STRIP2: variants seen among roughly 807,000 people sequenced by gnomAD.
STRIP2 encodes striatin-interacting protein 2.
Under a neutral mutation model 107.1 loss-of-function variants are expected in STRIP2, and 84 were observed. The ratio of observed to expected loss-of-function variants is 0.78; its 90% confidence interval spans 0.66 to 0.94. The LOEUF (loss-of-function observed/expected upper bound fraction) is 0.94, where lower values mean the gene tolerates loss of function less well. STRIP2 is among the 40% of genes least tolerant of loss of function. The pLI is 0.00. For missense variants in STRIP2, 888 were observed against 1,034.2 expected (o/e 0.86, Z 1.94); for synonymous variants, 394 against 400.4 (o/e 0.98, Z 0.19).
chr7:129,458,467 C>A lies in STRIP2; in HGVS notation c.1274+17C>A. 1 of 1,525,810 alleles carries A rather than the reference C, an allele frequency of 6.6e-7. No homozygotes were observed. Among genetic ancestry groups the A allele is most frequent in the Non-Finnish European group, 8.8e-7 (1 of 1,133,014 alleles). The allele number at this position is 1,525,810 out of a possible 1,614,324, so 94.5% of individuals were successfully genotyped here. A position where few individuals can be genotyped will look rare whatever the true frequency, so the allele number is the denominator to read the frequency against. ...AAAGGTCAGGTAGGTTTGATAGCAT[C>A]AGGGACCCCTATGCTTCGGGGTTTC... On this transcript the variant is annotated intron_variant, in intron 10 of 20. Coordinates refer to ENST00000249344, the MANE Select transcript of STRIP2 (RefSeq NM_020704.3). The surrounding 1 kb of genome is among the most constrained non-coding windows in gnomAD (Gnocchi z 4.6).
In STRIP2 at chr7:129,467,381, C is replaced by T; in HGVS notation, c.1808C>T (p.Ala603Val). ...FEYVSQHLVF[A>V]NCIPLILKFF... ...TATGTATCGCAACATTTGGTATTTGCCAACTGCATCCCCTTGATCCTGAAG... is the reference window on the plus strand; with the variant it reads ...TATGTATCGCAACATTTGGTATTTGTCAACTGCATCCCCTTGATCCTGAAG... The change falls in exon 17 of 21, where the codon GCC becomes GTC. Residue 603 changes from alanine to valine, a missense_variant. Coordinates refer to ENST00000249344, the MANE Select transcript of STRIP2 (RefSeq NM_020704.3). 2 of 1,613,570 alleles carry T rather than the reference C, an allele frequency of 1.2e-6. No individual in the cohort carries two copies. The highest frequency in any genetic ancestry group is 1.7e-6 in the Non-Finnish European group (2 of 1,179,706).
intron 20 of STRIP2, among the ~76,000 whole-genome samples, chr7:129,485,289 C>T (rs1281992714): frequency 2.0e-5 from 3 of 152,050 alleles, no homozygotes; most frequent in African/African-American, 7.2e-5. Flanking sequence ...GTCCACCTCC[C>T]TCTGGGCCCT....
chr7:129,436,645 G>C (rs867375863), intron 1 of STRIP2, among the ~76,000 whole-genome samples: 10 of 152,300 alleles, frequency 6.6e-5, no homozygotes, highest in South Asian at 4.1e-4. Context: ...ACAGTACCCA[G>C]GTGCCAGATC....
intron 15 of STRIP2, among the ~76,000 whole-genome samples, 188 bp from the exon 16 acceptor site, chr7:129,464,424 G>A (rs888636047): frequency 1.3e-5 from 2 of 151,988 alleles, no homozygotes; most frequent in African/African-American, 4.8e-5. Flanking sequence ...CGGAAACAAA[G>A]AGATCAGTGG....
chr7:129,477,889 CCCT>C (rs960450673), intron 18 of STRIP2: 10 of 502,844 alleles, frequency 2.0e-5, no homozygotes, highest in African/African-American at 9.9e-5. Flanking sequence ...GCAAAGCTCA[CCCT>C]CCTGAGTTGA....
At position 129,470,647 on chromosome 7, in the gene STRIP2, A is replaced by G; in HGVS notation, c.1878-2A>G. ...GCCTGTCCTTATCTCTGCATCTTAC[A>G]GCATCTCAGTCCTGGATTATCCTTG... On this transcript the variant is annotated splice_acceptor_variant, in intron 17 of 20. Coordinates refer to ENST00000249344, the MANE Select transcript of STRIP2 (RefSeq NM_020704.3). LOFTEE classifies it high-confidence loss of function. 1 of 1,613,592 alleles carries G rather than the reference A, an allele frequency of 6.2e-7. No homozygotes were observed. The highest frequency in any genetic ancestry group is 8.5e-7 in the Non-Finnish European group (1 of 1,179,508).
rs2151021977 is a variant in STRIP2, at chr7:129,484,808, A to C, written c.2255-771A>C. Among the ~76,000 whole-genome samples, 3 of 152,360 alleles carry C rather than the reference A, an allele frequency of 2.0e-5. No homozygotes were observed. In the South Asian group the frequency reaches 6.2e-4, roughly 32 times the overall value. ...AAATGTTTTATCCTGCAAATGGCACATCTGTTGTTGCTGCCATTATGAGCC... is the reference window on the plus strand; with the variant it reads ...AAATGTTTTATCCTGCAAATGGCACCTCTGTTGTTGCTGCCATTATGAGCC... On this transcript the variant is annotated intron_variant, in intron 20 of 20. Coordinates refer to ENST00000249344, the MANE Select transcript of STRIP2 (RefSeq NM_020704.3).
At chr7:129,464,578 C>A (rs1363625540) in intron 15 of STRIP2, 34 bp from the exon 16 acceptor site, 1 of 1,613,140 alleles carries the variant, frequency 6.2e-7, no homozygotes, top group Admixed American at 1.7e-5. Flanking sequence ...TTTAAGGCCA[C>A]TCTCTGCACT....
intron 1 of STRIP2, among the ~76,000 whole-genome samples, chr7:129,435,552 GT>G (rs1234054723): frequency 3.3e-5 from 5 of 152,126 alleles, no homozygotes; most frequent in Non-Finnish European, 5.9e-5. Flanking sequence ...GTCAGACCAG[GT>G]TTTGACTCCT....
chr7:129,471,710 A>G (rs1798792339), intron 18 of STRIP2, among the ~76,000 whole-genome samples: 2 of 152,192 alleles, frequency 1.3e-5, no homozygotes, highest in Non-Finnish European at 2.9e-5. Context: ...CAAAGATGAG[A>G]AACCTGAAGG....
intron 1 of STRIP2, 82 bp downstream of exon 1, chr7:129,434,683 C>T (rs1584926989): frequency 1.5e-6 from 2 of 1,369,086 alleles, no homozygotes; most frequent in Non-Finnish European, 1.9e-6. Flanking sequence ...CGGCCTCGGC[C>T]CCGGAGCCCT....
intron 17 of STRIP2, 135 bp downstream of exon 17, chr7:129,467,585 T>C: frequency 1.8e-6 from 1 of 555,938 alleles, no homozygotes; most frequent in African/African-American, 1.9e-5. Context: ...TAAATTTAAT[T>C]TCCTTGAAGT....
chr7:129,436,173 A>G (rs1195162818), intron 1 of STRIP2, among the ~76,000 whole-genome samples: 2 of 152,196 alleles, frequency 1.3e-5, no homozygotes, highest in Non-Finnish European at 2.9e-5. Flanking sequence ...ACAATTATTT[A>G]TCGAGGACTT....
intron 12 of STRIP2, 49 bp from the exon 13 acceptor site, chr7:129,460,252 A>G (rs778575545): frequency 6.5e-7 from 1 of 1,544,138 alleles, no homozygotes; most frequent in South Asian, 1.2e-5. Context: ...ACTGGTACAC[A>G]TGTGAATGAG....
At position 129,463,086 on chromosome 7, in the gene STRIP2, A is replaced by G. The variant is rs773431426; in HGVS notation, c.1551+46A>G. On this transcript the variant is annotated intron_variant, in intron 14 of 20. Coordinates refer to ENST00000249344, the MANE Select transcript of STRIP2 (RefSeq NM_020704.3). ...GAGCTGCCCTTCTCTGCTGCAAGGA[A>G]CAGACAGCTAAAAACCATTTCAAGT... 1.7e-5 allele frequency: 26 copies of G among 1,508,218 alleles called. No homozygotes were observed. The East Asian group carries it at 5.9e-4, about 34-fold the overall frequency. 93.4% of individuals were successfully genotyped at this position (1,508,218 alleles called of 1,614,324 possible). A position where few individuals can be genotyped will look rare whatever the true frequency, so the allele number is the denominator to read the frequency against.
In STRIP2 at chr7:129,480,878, T is replaced by A. The variant is rs890055303; in HGVS notation, c.2038T>A (p.Ser680Thr). ...LLNKLTKWKH[S>T]RTMMLVVFKS... ...CAATAAACTGACCAAATGGAAACAT[T>A]CCCGGACCATGGTGAGTGTGGTTTT... The change falls in exon 19 of 21, where the codon TCC becomes ACC. Residue 680 changes from serine to threonine, a missense_variant. By Grantham distance (58) the Ser-to-Thr change is moderately conservative. Transcript: ENST00000249344. 4 of 1,611,662 alleles carry A rather than the reference T, an allele frequency of 2.5e-6. No homozygotes were observed. The highest frequency in any genetic ancestry group is 1.7e-6 in the Non-Finnish European group (2 of 1,179,374).
In STRIP2 at chr7:129,461,264, T is replaced by C. The variant is rs542076769; in HGVS notation, c.1476+892T>C. ...GTTTTAGATGCCCATTAGATACCCA[T>C]GTGGAGCTGCAGGCAATTGGAAATA... On this transcript the variant is annotated intron_variant, in intron 13 of 20. Transcript: ENST00000249344. The surrounding 1 kb of genome is among the most constrained non-coding windows in gnomAD (Gnocchi z 4.0). Among the ~76,000 whole-genome samples, 7 of 152,266 alleles carry C rather than the reference T, an allele frequency of 4.6e-5. No individual in the cohort carries two copies. In the South Asian group the frequency reaches 1.5e-3, roughly 32 times the overall value.
intron 18 of STRIP2, among the ~76,000 whole-genome samples, chr7:129,473,604 A>C (rs1425278636): frequency 6.6e-6 from 1 of 152,186 alleles, no homozygotes; most frequent in Non-Finnish European, 1.5e-5. Flanking sequence ...TCCTGGGCTC[A>C]AGCAATCTGC....
chr7:129,461,260 C>T lies in STRIP2; in HGVS notation c.1476+888C>T, dbSNP rs1251898747. The stretch of plus-strand genomic sequence containing the variant: ...CTAAGTTTTAGATGCCCATTAGATA[C>T]CCATGTGGAGCTGCAGGCAATTGGA... On this transcript the variant is annotated intron_variant, in intron 13 of 20. Transcript: ENST00000249344. This position sits in a 1 kb window ranked among gnomAD's most constrained non-coding sequence, Gnocchi z 4.0. Among the ~76,000 whole-genome samples, 1 of 152,134 alleles carries T rather than the reference C, an allele frequency of 6.6e-6. No homozygotes were observed. Among genetic ancestry groups the T allele is most frequent in the Non-Finnish European group, 1.5e-5 (1 of 68,030 alleles).
Sources: allele counts gnomAD v4.1 joint callset (sites outside exome capture counted in the v4.1 genomes callset), GRCh38; gene constraint gnomAD v4.1.1; non-coding constraint Gnocchi (gnomAD v3.1); transcripts MANE v1.5; gene names NCBI Gene and HGNC (gene_info 2026-07-23, HGNC 2026-07-21).